The following XPO5 variants were observed in gnomAD, a reference collection of about 807,000 sequenced individuals.
XPO5 encodes the protein exportin 5.
Under a neutral mutation model 160.6 loss-of-function variants are expected in XPO5, and 46 were observed. That is an observed-to-expected ratio of 0.29 (90% CI 0.23 to 0.37). The LOEUF (loss-of-function observed/expected upper bound fraction) is 0.37, where lower values mean the gene tolerates loss of function less well. Ranked by LOEUF, XPO5 falls within the 10% of genes least tolerant of loss-of-function variation. The pLI is 1.00. For synonymous variants in XPO5, 537 were observed against 519.3 expected, an observed-to-expected ratio of 1.03 and a Z score of -0.46; for missense variants, 1,090 against 1,463.9, an observed-to-expected ratio of 0.74 and a Z score of 4.17.
At chr6:43,548,739 T>C (rs950304052) in intron 17 of XPO5, among the ~76,000 whole-genome samples, 2 of 150,700 alleles carry the variant, frequency 1.3e-5, no homozygotes, top group African/African-American at 4.9e-5. Flanking sequence ...TATAGATATA[T>C]ATGTATATCT....
In XPO5 at chr6:43,573,592, C is replaced by T. The variant is rs776469081; in HGVS notation, c.115G>A (p.Glu39Lys). 3.7e-6 allele frequency: 6 copies of T among 1,612,350 alleles called. No individual in the cohort carries two copies. The highest frequency in any genetic ancestry group is 1.3e-5 in the African/African-American group (1 of 74,868). The change falls in exon 2 of 32, where the codon GAG becomes AAG. Residue 39 changes from glutamate (E) to lysine (K), a missense_variant. Coordinates refer to ENST00000265351, the MANE Select transcript of XPO5 (RefSeq NM_020750.3). Reference protein sequence around the residue: ...YRLEALKFCEEFKEKCPICVP... With the variant: ...YRLEALKFCEKFKEKCPICVP... ...CAGATAGGACACTTTTCTTTAAACT[C>T]CTCACAAAACTGAAAGAAGAAAAGT...
intron 11 of XPO5, chr6:43,558,955 CT>C (rs1762257152): frequency 5.8e-6 from 1 of 173,502 alleles, no homozygotes; most frequent in East Asian, 1.6e-4. Context: ...ACTTGTAGAA[CT>C]TTGTATGTTT....
intron 12 of XPO5, among the ~76,000 whole-genome samples, chr6:43,557,329 G>A (rs1327693008): frequency 5.3e-5 from 8 of 151,294 alleles, no homozygotes. Flanking sequence ...AGGAGGCTGA[G>A]GCAGGAGAAT....
At chr6:43,571,337 C>T (rs1762995602) in intron 3 of XPO5, among the ~76,000 whole-genome samples, 1 of 152,018 alleles carries the variant, frequency 6.6e-6, no homozygotes, top group South Asian at 2.1e-4. Flanking sequence ...TAGTGAGTAG[C>T]TGGTAAAATG....
At chr6:43,526,604 G>T in intron 27 of XPO5, 81 bp downstream of exon 27, 1 of 1,522,690 alleles carries the variant, frequency 6.6e-7, no homozygotes, top group Non-Finnish European at 9.0e-7. Context: ...TCACCAGACT[G>T]CAAGGAAACT....
chr6:43,569,052 G>C (rs889495945), intron 5 of XPO5, among the ~76,000 whole-genome samples: 3 of 152,144 alleles, frequency 2.0e-5, no homozygotes, highest in African/African-American at 4.8e-5. Flanking sequence ...CAGCAGTCTG[G>C]GAGGCCAAGG....
intron 19 of XPO5, 92 bp downstream of exon 19, chr6:43,547,516 A>C (rs949911331): frequency 8.4e-7 from 1 of 1,195,472 alleles, no homozygotes; most frequent in Non-Finnish European, 1.2e-6. Context: ...TCACCAGTAT[A>C]GAAAAAACAA....
intron 20 of XPO5, among the ~76,000 whole-genome samples, chr6:43,545,148 C>T (rs1794901355): frequency 6.6e-6 from 1 of 151,952 alleles, no homozygotes. Flanking sequence ...GCTGGGATTA[C>T]AGGTGTGAGC....
At position 43,569,650 on chromosome 6, in the gene XPO5, T is replaced by C. The variant is rs542544673; in HGVS notation, c.621+852A>G. Among the ~76,000 whole-genome samples the C allele has an allele frequency of 2.3e-3, 354 of 151,746 alleles. 2 individuals are homozygous for C. The highest frequency in any genetic ancestry group is 3.4e-3 in the Middle Eastern group (1 of 292). ...CGGGAGGCTGAGGCAGGAGAATCGCTTGAACCCAGGAGGCGGAGGTTGCAG... is the reference window on the plus strand; with the variant it reads ...CGGGAGGCTGAGGCAGGAGAATCGCCTGAACCCAGGAGGCGGAGGTTGCAG... On this transcript the variant is annotated intron_variant, in intron 5 of 31. Coordinates refer to ENST00000265351, the MANE Select transcript of XPO5 (RefSeq NM_020750.3).
At chr6:43,564,686 T>G (rs1306504430) in intron 8 of XPO5, among the ~76,000 whole-genome samples, 2 of 152,176 alleles carry the variant, frequency 1.3e-5, no homozygotes, top group Non-Finnish European at 2.9e-5. Context: ...CACGATTGCC[T>G]GGACTTCCCA....
At position 43,528,743 on chromosome 6, in the gene XPO5, C is replaced by A. The variant is rs1296244873; in HGVS notation, c.2775+85G>T. On this transcript the variant is annotated intron_variant, in intron 24 of 31. Transcript: ENST00000265351. ...CTGGCAGGGCTAGTAGACAACACTT[C>A]TAGGAGCTCCTGACTTGCAAAGCTC... 4 of 1,314,886 alleles carry A rather than the reference C, an allele frequency of 3.0e-6. No individual in the cohort carries two copies. In the African/African-American group the frequency reaches 4.4e-5, roughly 14 times the overall value. 81.5% of individuals were successfully genotyped at this position (1,314,886 alleles called of 1,614,324 possible). A position where few individuals can be genotyped will look rare whatever the true frequency, so the allele number is the denominator to read the frequency against.
Position 43,524,329 on chromosome 6 carries a change from G to A in XPO5, c.3477+142C>T. ...ATCGTACCACTGCACTCCAGCCTGG[G>A]CAACAAGAGTGAAACCCCATCTCAA... is the stretch of plus-strand genomic sequence containing the variant. On this transcript the variant is annotated intron_variant, in intron 31 of 31. Transcript: ENST00000265351. 9 of 1,183,270 alleles carry A rather than the reference G, an allele frequency of 7.6e-6. No individual in the cohort carries two copies. The South Asian group carries it at 1.5e-4, about 20-fold the overall frequency. 73.3% of individuals were successfully genotyped at this position (1,183,270 alleles called of 1,614,324 possible). A position where few individuals can be genotyped will look rare whatever the true frequency, so the allele number is the denominator to read the frequency against.
At chr6:43,538,771 C>CT (rs539083995) in intron 20 of XPO5, 34,577 of 502,166 alleles carry the variant, frequency 0.069, 55 homozygotes, top group Non-Finnish European at 0.08. Flanking sequence ...CTACATTTTT[C>CT]TTTTTTTTTT....
chr6:43,563,285 C>T (rs371784096), intron 8 of XPO5, among the ~76,000 whole-genome samples: 6 of 152,076 alleles, frequency 3.9e-5, no homozygotes, highest in East Asian at 1.9e-4. Flanking sequence ...TGCCACCATA[C>T]GCAGCTAATT....
At chr6:43,570,311 C>CAAAAAAA (rs70990200) in intron 5 of XPO5, among the ~76,000 whole-genome samples, 191 bp downstream of exon 5, 3 of 77,192 alleles carry the variant, frequency 3.9e-5, no homozygotes, top group East Asian at 4.6e-4. Flanking sequence ...GCCTCCGTCT[C>CAAAAAAA]AAAAAAAAAA....
At position 43,525,200 on chromosome 6, in the gene XPO5, C is replaced by T. The variant is rs373634302; in HGVS notation, c.3081G>A (p.Ala1027=). Residue 1027 remains alanine (A), a synonymous_variant, in exon 29 of 32, where the codon GCG becomes GCA. Coordinates refer to ENST00000265351, the MANE Select transcript of XPO5 (RefSeq NM_020750.3). ...CLMKHEDVCT[A]LLITAFNSLA... Reference sequence around the variant, plus strand: ...GGGAATTGAAGGCTGTAATTAATAGCGCTGTACAAACATCCTGAACAGGAA... The same window carrying T: ...GGGAATTGAAGGCTGTAATTAATAGTGCTGTACAAACATCCTGAACAGGAA... 4.2e-5 allele frequency: 67 copies of T among 1,577,600 alleles called. No individual in the cohort carries two copies. In the African/African-American group the frequency reaches 6.2e-4, roughly 15 times the overall value.
In XPO5 at chr6:43,531,522, A is replaced by G. The variant is rs1303952142; in HGVS notation, c.2497T>C (p.Leu833=). The change falls in exon 22 of 32, where the codon TTG becomes CTG. Residue 833 remains leucine, a synonymous_variant. Coordinates refer to ENST00000265351, the MANE Select transcript of XPO5 (RefSeq NM_020750.3). ...GAGAAGAAACGCTGCATTCTTTCCA[A>G]GACGGTTTTGAAGACAGGAGAGTCA... The part of the protein sequence containing the change: ...LNDSPVFKTV[L]ERMQRFFSTL... 3.5e-5 allele frequency: 56 copies of G among 1,613,852 alleles called. No individual in the cohort carries two copies. The highest frequency in any genetic ancestry group is 4.7e-5 in the Non-Finnish European group (55 of 1,179,876).
In XPO5 at chr6:43,525,159, G is replaced by C. The variant is rs1462798514; in HGVS notation, c.3122C>G (p.Thr1041Ser). The C allele has an allele frequency of 1.3e-6, 2 of 1,585,362 alleles. No homozygotes were observed. Among genetic ancestry groups the C allele is most frequent in the Middle Eastern group, 1.7e-4 (1 of 6,034 alleles). Residue 1041 changes from threonine (T) to serine (S), a missense_variant, in exon 29 of 32, where the codon ACT becomes AGT. By Grantham distance (58) the Thr-to-Ser change is moderately conservative. This residue lies in a region of XPO5 where 810 missense variants were observed against 1,139.0 expected (regional missense o/e 0.71). Coordinates refer to ENST00000265351, the MANE Select transcript of XPO5 (RefSeq NM_020750.3). ...TGAGGTTGTCCTCTGGCAGGACAGA[G>C]TATCTTTCCAGGCCAGGGAATTGAA... The part of the protein sequence containing the change: ...TAFNSLAWKD[T>S]LSCQRTTSQL...
chr6:43,555,823 G>A lies in XPO5; in HGVS notation c.1441+13C>T, dbSNP rs577653719. The stretch of plus-strand genomic sequence containing the variant: ...TAACATTTCACTAACATTCAGTAAT[G>A]AAAAAAACTTACAATTCACAGAACC... On this transcript the variant is annotated intron_variant, in intron 13 of 31. Coordinates refer to ENST00000265351, the MANE Select transcript of XPO5 (RefSeq NM_020750.3). 1 of 1,613,556 alleles carries A rather than the reference G, an allele frequency of 6.2e-7. No individual in the cohort carries two copies. Among genetic ancestry groups the A allele is most frequent in the African/African-American group, 1.3e-5 (1 of 74,960 alleles).
Sources: gnomAD v4.1 joint callset for allele counts (sites outside exome capture counted in the v4.1 genomes callset) on GRCh38, gnomAD v4.1.1 for gene constraint, gnomAD v4.1.1 regional missense constraint, MANE v1.5 for transcripts, NCBI Gene and HGNC (gene_info 2026-07-23, HGNC 2026-07-21) for gene names.